The following UBE2N variants were observed in gnomAD, a reference collection of about 807,000 sequenced individuals.
UBE2N encodes ubiquitin-conjugating enzyme E2 N.
For missense variants in UBE2N, 60 were observed against 192.1 expected (o/e 0.31, Z 4.07); for synonymous variants, 70 against 69.2 (o/e 1.01, Z -0.06).
chr12:93,409,397 A>C lies in UBE2N; in HGVS notation c.*642T>G, dbSNP rs1185290052. On this transcript the variant is annotated 3_prime_UTR_variant, in exon 4 of 4. Transcript: ENST00000318066. ...TATTTTACTAAAACATAAGATTTACAGAAGTTTCCAGACAAGCCATACAAA... is the reference window on the plus strand; with the variant it reads ...TATTTTACTAAAACATAAGATTTACCGAAGTTTCCAGACAAGCCATACAAA... 1 of 166,780 alleles carries C rather than the reference A, an allele frequency of 6.0e-6. No homozygotes were observed. Among genetic ancestry groups the C allele is most frequent in the African/African-American group, 2.4e-5 (1 of 41,474 alleles). 10.3% of individuals were successfully genotyped at this position (166,780 alleles called of 1,614,324 possible).
intron 1 of UBE2N, among the ~76,000 whole-genome samples, chr12:93,421,044 T>C (rs539063212): frequency 1.6e-4 from 25 of 152,284 alleles, no homozygotes; most frequent in African/African-American, 5.1e-4. Flanking sequence ...GTGCTACATA[T>C]GTATTAGCTC....
chr12:93,432,752 C>T (rs1420460127), intron 1 of UBE2N, among the ~76,000 whole-genome samples: 1 of 151,932 alleles, frequency 6.6e-6, no homozygotes, highest in African/African-American at 2.4e-5. Context: ...AATCTAAAGA[C>T]AACATAGCCA....
chr12:93,421,539 A>C (rs953641434), intron 1 of UBE2N, among the ~76,000 whole-genome samples: 3 of 152,226 alleles, frequency 2.0e-5, no homozygotes, highest in African/African-American at 7.2e-5. Context: ...CAGGGACAGT[A>C]AACAGCACGG....
Position 93,441,941 on chromosome 12 carries a change from C to A in UBE2N, c.-57G>T. ...CGTCTCCGGCTCCTCTCGCCTCACG[C>A]ACGAGTGGAAGTCCCGGGCTCCACT... On this transcript the variant is annotated 5_prime_UTR_variant, in exon 1 of 4. Coordinates refer to ENST00000318066, the MANE Select transcript of UBE2N (RefSeq NM_003348.4). The A allele has an allele frequency of 1.3e-6, 2 of 1,531,746 alleles. No homozygotes were observed. The allele number at this position is 1,531,746 out of a possible 1,614,324, so 94.9% of individuals were successfully genotyped here. A position where few individuals can be genotyped will look rare whatever the true frequency, so the allele number is the denominator to read the frequency against.
chr12:93,428,251 T>C (rs1320410317), intron 1 of UBE2N, among the ~76,000 whole-genome samples: 2 of 152,194 alleles, frequency 1.3e-5, no homozygotes, highest in African/African-American at 4.8e-5. Flanking sequence ...TATATATTCA[T>C]GGACTACACT....
chr12:93,410,747 T>C lies in UBE2N; in HGVS notation c.405A>G (p.Gln135=). The C allele has an allele frequency of 1.2e-6, 2 of 1,614,226 alleles. No individual in the cohort carries two copies. The highest frequency in any genetic ancestry group is 4.5e-5 in the East Asian group (2 of 44,894). Residue 135 remains glutamine, a synonymous_variant, in exon 3 of 4, where the codon CAA becomes CAG. Coordinates refer to ENST00000318066, the MANE Select transcript of UBE2N (RefSeq NM_003348.4). The part of the protein sequence containing the change: ...VAEQWKTNEA[Q]AIETARAWTR... ...AATATTAGATACCTGTTTCTATGGC[T>C]TGGGCTTCGTTGGTCTTCCACTGCT...
At chr12:93,426,558 A>C (rs1398713226) in intron 1 of UBE2N, among the ~76,000 whole-genome samples, 3 of 152,098 alleles carry the variant, frequency 2.0e-5, no homozygotes, top group Non-Finnish European at 4.4e-5. Flanking sequence ...AGCTAAAAAA[A>C]CCCTATAAAA....
Position 93,407,486 on chromosome 12 carries a change from T to TA in UBE2N, c.*2552dup. The TA allele has an allele frequency of 6.6e-6, 1 of 152,246 alleles. No individual in the cohort carries two copies. Among genetic ancestry groups the TA allele is most frequent in the Non-Finnish European group, 1.5e-5 (1 of 68,066 alleles). 9.4% of individuals were successfully genotyped at this position (152,246 alleles called of 1,614,324 possible). Reference sequence around the variant, plus strand: ...TCAAAGGCTTACAAGGGGGAAGGACTAGCAGGTGTGCTCGGAGGGGACTCT... The same window carrying TA: ...TCAAAGGCTTACAAGGGGGAAGGACTAAGCAGGTGTGCTCGGAGGGGACTCT... On this transcript the variant is annotated 3_prime_UTR_variant, in exon 4 of 4. Transcript: ENST00000318066.
Position 93,408,338 on chromosome 12 carries a change from G to A in UBE2N, c.*1701C>T, listed in dbSNP as rs1877926756. 6.6e-6 allele frequency: 1 copy of A among 152,168 alleles called. No homozygotes were observed. Among genetic ancestry groups the A allele is most frequent in the Non-Finnish European group, 1.5e-5 (1 of 68,038 alleles). 9.4% of individuals were successfully genotyped at this position (152,168 alleles called of 1,614,324 possible). A position where few individuals can be genotyped will look rare whatever the true frequency, so the allele number is the denominator to read the frequency against. ...TACCAAGCAATGCATTTATTTGGAA[G>A]GATACCAGTTACCAGTCATCAAAAG... On this transcript the variant is annotated 3_prime_UTR_variant, in exon 4 of 4. Coordinates refer to ENST00000318066, the MANE Select transcript of UBE2N (RefSeq NM_003348.4).
At chr12:93,432,616 C>T (rs1878805212) in intron 1 of UBE2N, among the ~76,000 whole-genome samples, 2 of 152,064 alleles carry the variant, frequency 1.3e-5, no homozygotes, top group African/African-American at 4.8e-5. Context: ...CTAGTGTTTC[C>T]TTAACTACAA....
chr12:93,437,762 C>T (rs972274359), intron 1 of UBE2N, among the ~76,000 whole-genome samples: 1 of 152,146 alleles, frequency 6.6e-6, no homozygotes, highest in Non-Finnish European at 1.5e-5. Flanking sequence ...GCACTCCAGC[C>T]TGGGCAACAG....
intron 1 of UBE2N, among the ~76,000 whole-genome samples, chr12:93,426,655 C>G (rs917522824): frequency 6.6e-6 from 1 of 152,172 alleles, no homozygotes; most frequent in African/African-American, 2.4e-5. Context: ...TGGGCTGGGC[C>G]AGGCCAGGCA....
At chr12:93,433,507 A>G (rs1266031047) in intron 1 of UBE2N, among the ~76,000 whole-genome samples, 1 of 152,224 alleles carries the variant, frequency 6.6e-6, no homozygotes, top group Non-Finnish European at 1.5e-5. Flanking sequence ...TCCTTCATAT[A>G]TTACATTTGC....
chr12:93,414,009 A>C (rs1046230734), intron 1 of UBE2N, among the ~76,000 whole-genome samples: 1 of 150,766 alleles, frequency 6.6e-6, no homozygotes, highest in Admixed American at 6.6e-5. Flanking sequence ...TAAAAATACA[A>C]AATCAGCCGG....
chr12:93,423,114 C>T (rs1011345220), intron 1 of UBE2N, among the ~76,000 whole-genome samples: 4 of 152,178 alleles, frequency 2.6e-5, no homozygotes, highest in Non-Finnish European at 4.4e-5. Context: ...TAGCATTCTG[C>T]GCTTGACATC....
At chr12:93,439,712 T>C (rs1055047298) in intron 1 of UBE2N, among the ~76,000 whole-genome samples, 3 of 152,192 alleles carry the variant, frequency 2.0e-5, no homozygotes, top group Non-Finnish European at 2.9e-5. Flanking sequence ...AACACAAGCA[T>C]GGACACTTTT....
intron 1 of UBE2N, among the ~76,000 whole-genome samples, chr12:93,419,416 A>G (rs1849629645): frequency 6.6e-6 from 1 of 152,204 alleles, no homozygotes; most frequent in African/African-American, 2.4e-5. Context: ...TAATGTCAGA[A>G]CATTTGACAT....
At chr12:93,415,387 A>C (rs1020322163) in intron 1 of UBE2N, among the ~76,000 whole-genome samples, 1 of 152,256 alleles carries the variant, frequency 6.6e-6, no homozygotes, top group Non-Finnish European at 1.5e-5. Flanking sequence ...TGGCCATTTT[A>C]GGTAATGTCT....
chr12:93,408,051 T>C lies in UBE2N; in HGVS notation c.*1988A>G, dbSNP rs1877912343. On this transcript the variant is annotated 3_prime_UTR_variant, in exon 4 of 4. Transcript: ENST00000318066. ...TTTTGTAGTGCAACAGATTTAAATC[T>C]GGAATTTCATGGTTTGTAAATCACT... The C allele has an allele frequency of 6.6e-6, 1 of 152,254 alleles. No individual in the cohort carries two copies. Among genetic ancestry groups the C allele is most frequent in the African/African-American group, 2.4e-5 (1 of 41,476 alleles). 9.4% of individuals were successfully genotyped at this position (152,254 alleles called of 1,614,324 possible).
Sources: gnomAD v4.1 joint callset for allele counts (sites outside exome capture counted in the v4.1 genomes callset) on GRCh38, gnomAD v4.1.1 for gene constraint, MANE v1.5 for transcripts, NCBI Gene and HGNC (gene_info 2026-07-23, HGNC 2026-07-21) for gene names.